The following SEPTIN5 variants were observed in gnomAD, a reference collection of about 807,000 sequenced individuals.
SEPTIN5 encodes the protein septin-5.
SEPTIN5 carries 16 observed loss-of-function variants against 51.2 expected under a neutral mutation model. The observed-to-expected ratio is 0.31, with a 90% confidence interval of 0.21 to 0.47. The LOEUF is 0.47. Ranked by LOEUF, SEPTIN5 falls within the 20% of genes least tolerant of loss-of-function variation. The pLI is 0.99. For missense variants in SEPTIN5, 376 were observed against 500.3 expected (o/e 0.75, Z 2.37); for synonymous variants, 208 against 191.2 (o/e 1.09, Z -0.72).
Position 19,714,884 on chromosome 22 carries a change from C to A in SEPTIN5, c.54+93C>A. 1 of 1,422,810 alleles carries A rather than the reference C, an allele frequency of 7.0e-7. No homozygotes were observed. Among genetic ancestry groups the A allele is most frequent in the Non-Finnish European group, 9.5e-7 (1 of 1,054,620 alleles). The allele number at this position is 1,422,810 out of a possible 1,614,324, so 88.1% of individuals were successfully genotyped here. A position where few individuals can be genotyped will look rare whatever the true frequency, so the allele number is the denominator to read the frequency against. On this transcript the variant is annotated intron_variant, in intron 2 of 11. Coordinates refer to ENST00000455784, the MANE Select transcript of SEPTIN5 (RefSeq NM_002688.6). The surrounding 1 kb of genome is among the most constrained non-coding windows in gnomAD (Gnocchi z 5.2). The stretch of plus-strand genomic sequence containing the variant: ...CTTGGGCGCCCAGGCGCGACCCCGC[C>A]CCCGCCGGCCCTCACCCAGCCCTGT...
chr22:19,717,380 G>A (rs1431828130), intron 2 of SEPTIN5: 2 of 469,484 alleles, frequency 4.3e-6, no homozygotes. Flanking sequence ...CCCTGGAGTA[G>A]CCACATGGGA....
At chr22:19,717,629 C>A in intron 2 of SEPTIN5, 1 of 302,300 alleles carries the variant, frequency 3.3e-6, no homozygotes, top group South Asian at 2.5e-5. Context: ...TCCAGTACTC[C>A]GGCAGCCTGC....
In SEPTIN5 at chr22:19,721,627, C is replaced by G. The variant is rs745389230; in HGVS notation, c.718-13C>G. On this transcript the variant is annotated splice_polypyrimidine_tract_variant and intron_variant, in intron 8 of 11. Transcript: ENST00000455784. The stretch of plus-strand genomic sequence containing the variant: ...GCTCACCGGGTGTGAGCCTTTCTCC[C>G]TCCTTCCCCCAGGAGAGCGCGCCCT... The G allele has an allele frequency of 6.2e-7, 1 of 1,612,524 alleles. No homozygotes were observed. The highest frequency in any genetic ancestry group is 8.5e-7 in the Non-Finnish European group (1 of 1,179,684).
In SEPTIN5 at chr22:19,723,224, C is replaced by A. The variant is rs1394488125; in HGVS notation, c.*740C>A. ...AGCCTAGGCCTCCCGATGTTCCCACCCGCATGATCCCTTCCCGCCACACGA... is the reference window on the plus strand; with the variant it reads ...AGCCTAGGCCTCCCGATGTTCCCACACGCATGATCCCTTCCCGCCACACGA... On this transcript the variant is annotated 3_prime_UTR_variant, in exon 12 of 12. Coordinates refer to ENST00000455784, the MANE Select transcript of SEPTIN5 (RefSeq NM_002688.6). 1.6e-6 allele frequency: 1 copy of A among 634,336 alleles called. No individual in the cohort carries two copies. Among genetic ancestry groups the A allele is most frequent in the Non-Finnish European group, 2.9e-6 (1 of 341,504 alleles). The allele number at this position is 634,336 out of a possible 1,614,324, so 39.3% of individuals were successfully genotyped here. A position where few individuals can be genotyped will look rare whatever the true frequency, so the allele number is the denominator to read the frequency against.
At position 19,714,882 on chromosome 22, in the gene SEPTIN5, GC is replaced by G; in HGVS notation, c.54+96del. 3 of 1,405,072 alleles carry G rather than the reference GC, an allele frequency of 2.1e-6. No individual in the cohort carries two copies. The highest frequency in any genetic ancestry group is 4.2e-5 in the Admixed American group (2 of 47,334). The allele number at this position is 1,405,072 out of a possible 1,614,324, so 87.0% of individuals were successfully genotyped here. ...GCCTTGGGCGCCCAGGCGCGACCCC[GC>G]CCCCGCCGGCCCTCACCCAGCCCTG... is the stretch of plus-strand genomic sequence containing the variant. On this transcript the variant is annotated intron_variant, in intron 2 of 11. Coordinates refer to ENST00000455784, the MANE Select transcript of SEPTIN5 (RefSeq NM_002688.6). This position sits in a 1 kb window ranked among gnomAD's most constrained non-coding sequence, Gnocchi z 5.2.
At chr22:19,719,271 G>A (rs2145788693) in intron 2 of SEPTIN5, among the ~76,000 whole-genome samples, 1 of 152,276 alleles carries the variant, frequency 6.6e-6, no homozygotes, top group East Asian at 1.9e-4. Flanking sequence ...GTGTCCCAGG[G>A]GTCCCAATCC....
Position 19,719,660 on chromosome 22 carries a change from C to T in SEPTIN5, c.113C>T (p.Ser38Leu), listed in dbSNP as rs776341079. Reference protein sequence around the residue: ...ATLPNQVHRKSVKKGFDFTLM... With the variant: ...ATLPNQVHRKLVKKGFDFTLM... Reference sequence around the variant, plus strand: ...CTGCCCAACCAGGTGCACCGCAAGTCGGTGAAGAAAGGCTTTGACTTCACA... The same window carrying T: ...CTGCCCAACCAGGTGCACCGCAAGTTGGTGAAGAAAGGCTTTGACTTCACA... Residue 38 changes from serine (S) to leucine (L), a missense_variant, in exon 3 of 12, where the codon TCG (serine) becomes TTG (leucine). Physicochemically the swap from Ser to Leu is moderately radical, Grantham distance 145. Around this residue, in one of 2 missense-constraint regions of SEPTIN5, gnomAD observed 287 missense variants for 417.1 expected, o/e 0.69. Coordinates refer to ENST00000455784, the MANE Select transcript of SEPTIN5 (RefSeq NM_002688.6). 2.5e-6 allele frequency: 4 copies of T among 1,613,040 alleles called. No homozygotes were observed. The highest frequency in any genetic ancestry group is 8.5e-7 in the Non-Finnish European group (1 of 1,179,972).
In SEPTIN5 at chr22:19,722,218, T is replaced by A; in HGVS notation, c.951-19T>A. 2.5e-5 allele frequency: 28 copies of A among 1,104,710 alleles called. No individual in the cohort carries two copies. The highest frequency in any genetic ancestry group is 3.3e-5 in the Non-Finnish European group (26 of 776,184). The allele number at this position is 1,104,710 out of a possible 1,614,324, so 68.4% of individuals were successfully genotyped here. On this transcript the variant is annotated intron_variant, in intron 10 of 11. Transcript: ENST00000455784. ...CCCGGTGGCGCCGCCCCGCCCATCC[T>A]CCCCCCCGCCCCGCGCAGCAAACTG...
At chr22:19,721,354 G>A (rs942662524) in intron 8 of SEPTIN5, among the ~76,000 whole-genome samples, 14 of 152,168 alleles carry the variant, frequency 9.2e-5, no homozygotes, top group African/African-American at 2.9e-4. Context: ...CTCAGCCCTG[G>A]GGAGGGAAGG....
chr22:19,717,264 C>T (rs530472878), intron 2 of SEPTIN5: 1 of 469,864 alleles, frequency 2.1e-6, no homozygotes, highest in Non-Finnish European at 4.4e-6. Flanking sequence ...TACCCTGGAA[C>T]CTTTCCAGGC....
At chr22:19,719,757 C>T (rs199740202) in intron 3 of SEPTIN5, 49 bp from the exon 4 acceptor site, 76 of 1,611,284 alleles carry the variant, frequency 4.7e-5, no homozygotes, top group Admixed American at 4.3e-4. Flanking sequence ...CAAGCTCTGT[C>T]GTTGGAGCCC....
At chr22:19,715,407 C>T (rs1021750630) in intron 2 of SEPTIN5, among the ~76,000 whole-genome samples, 1 of 152,224 alleles carries the variant, frequency 6.6e-6, no homozygotes, top group Non-Finnish European at 1.5e-5. Flanking sequence ...AGGGTTGGCC[C>T]CACCCTCCAG....
intron 10 of SEPTIN5, 129 bp from the exon 11 acceptor site, chr22:19,722,108 C>T: frequency 8.1e-7 from 1 of 1,229,492 alleles, no homozygotes; most frequent in Non-Finnish European, 1.1e-6. Flanking sequence ...TCCCTAGAAC[C>T]AAGTCCAGGG....
At chr22:19,722,031 T>C in intron 10 of SEPTIN5, 74 bp downstream of exon 10, 1 of 1,535,448 alleles carries the variant, frequency 6.5e-7, no homozygotes, top group African/African-American at 1.4e-5. Context: ...GGGCCGGTCC[T>C]GTCAGCCCAC....
chr22:19,717,511 C>A (rs1366866574), intron 2 of SEPTIN5: 1 of 357,074 alleles, frequency 2.8e-6, no homozygotes, highest in Admixed American at 3.8e-5. Context: ...CCATCCCACC[C>A]CCACCCCTGT....
At position 19,721,952 on chromosome 22, in the gene SEPTIN5, G is replaced by A; in HGVS notation, c.945G>A (p.Met315Ile). Residue 315 changes from methionine to isoleucine, a missense_variant, in exon 10 of 12, where the codon ATG (methionine) becomes ATA (isoleucine). Met to Ile is a conservative substitution (Grantham distance 10). Coordinates refer to ENST00000455784, the MANE Select transcript of SEPTIN5 (RefSeq NM_002688.6). ...ENYRAHCIQQ[M>I]TSKLTQDSRM... Reference sequence around the variant, plus strand: ...ACCGCGCGCACTGCATCCAGCAGATGACCAGGTGCGCGCCCCAGCCGCGAG... The same window carrying A: ...ACCGCGCGCACTGCATCCAGCAGATAACCAGGTGCGCGCCCCAGCCGCGAG... 6.2e-7 allele frequency: 1 copy of A among 1,606,646 alleles called. No homozygotes were observed. The highest frequency in any genetic ancestry group is 8.5e-7 in the Non-Finnish European group (1 of 1,176,906).
chr22:19,723,095 G>T lies in SEPTIN5; in HGVS notation c.*611G>T, dbSNP rs1936083937. ...GCCCGGCCCGACCTGGAGGGCCCCC[G>T]GGGCACTGGGCGGTGAGCCACCTCC... On this transcript the variant is annotated 3_prime_UTR_variant, in exon 12 of 12. Coordinates refer to ENST00000455784, the MANE Select transcript of SEPTIN5 (RefSeq NM_002688.6). The T allele has an allele frequency of 3.7e-6, 2 of 535,198 alleles. No individual in the cohort carries two copies. Among genetic ancestry groups the T allele is most frequent in the Non-Finnish European group, 7.2e-6 (2 of 278,090 alleles). 33.2% of individuals were successfully genotyped at this position (535,198 alleles called of 1,614,324 possible).
chr22:19,718,707 G>C, intron 2 of SEPTIN5: 1 of 1,258,810 alleles, frequency 7.9e-7, no homozygotes, highest in Non-Finnish European at 1.0e-6. Flanking sequence ...TGGGGTCCGA[G>C]CGTGCCCCCG....
Position 19,714,674 on chromosome 22 carries a change from C to T in SEPTIN5, c.43+43C>T, listed in dbSNP as rs1176671766. The T allele has an allele frequency of 6.6e-7, 1 of 1,518,306 alleles. No individual in the cohort carries two copies. The highest frequency in any genetic ancestry group is 2.6e-5 in the East Asian group (1 of 39,090). The allele number at this position is 1,518,306 out of a possible 1,614,324, so 94.1% of individuals were successfully genotyped here. ...CCGCGTGCCCGCGCGCGCCTTTGTC[C>T]CCGCCGCCCGCGCGCCTCTCACCGT... On this transcript the variant is annotated intron_variant, in intron 1 of 11. Transcript: ENST00000455784. The surrounding 1 kb of genome is among the most constrained non-coding windows in gnomAD (Gnocchi z 5.2).
Sources: gnomAD v4.1 joint callset for allele counts (sites outside exome capture counted in the v4.1 genomes callset) on GRCh38, gnomAD v4.1.1 for gene constraint, gnomAD v4.1.1 regional missense constraint, Gnocchi (gnomAD v3.1) non-coding constraint, MANE v1.5 for transcripts, NCBI Gene and HGNC (gene_info 2026-07-23, HGNC 2026-07-21) for gene names.